GIGYF2: variants seen among roughly 807,000 people sequenced by gnomAD.
The protein encoded by GIGYF2 is GRB10 interacting GYF protein 2, also known as GRB10-interacting GYF protein 2.
In GIGYF2, 25 loss-of-function variants were observed where a neutral mutation model predicts 208.1. The ratio of observed to expected loss-of-function variants is 0.12; its 90% CI spans 0.09 to 0.17. The LOEUF (loss-of-function observed/expected upper bound fraction) is 0.17. Among genes scored for constraint, GIGYF2 ranks in the 10% least tolerant of loss-of-function variants. The pLI, the probability that GIGYF2 is intolerant of heterozygous loss-of-function variation, is 1.00. For synonymous variants in GIGYF2, 534 were observed against 543.8 expected (o/e 0.98, Z 0.25); for missense variants, 1,302 against 1,579.4 (o/e 0.82, Z 2.98).
chr2:232,768,431 T>A, intron 8 of GIGYF2: 2 of 1,614,224 alleles, frequency 1.2e-6, no homozygotes, highest in Non-Finnish European at 1.7e-6. Flanking sequence ...TCCTTTGGCA[T>A]ATTTCTCCAG....
chr2:232,796,103 A>G lies in GIGYF2; in HGVS notation c.1521A>G (p.Leu507=), dbSNP rs1559438678. Residue 507 remains leucine (L), a synonymous_variant, in exon 14 of 29, where the codon CTA becomes CTG. Transcript: ENST00000373563. The stretch of plus-strand genomic sequence containing the variant: ...TGGCTTATCTCCAAGACAGTGCACT[A>G]GATGATGAAAGATTGGCATCAAAAC... The part of the protein sequence containing the change: ...KMVAYLQDSA[L]DDERLASKLQ... 2 of 1,609,156 alleles carry G rather than the reference A, an allele frequency of 1.2e-6. No homozygotes were observed. The highest frequency in any genetic ancestry group is 2.7e-5 in the African/African-American group (2 of 74,818).
rs187552026 is a variant in GIGYF2 at position 232,730,376 on chromosome 2, A to T, written c.-43-4779A>T. ...TCCCAGCACTTTGGGAGGCCGAGGC[A>T]GGTGGATCATTTAAGGTTGGGAGTT... is the stretch of plus-strand genomic sequence containing the variant. On this transcript the variant is annotated intron_variant, in intron 2 of 28. Transcript: ENST00000373563. Among the ~76,000 whole-genome samples the T allele has an allele frequency of 2.4e-3, 336 of 140,752 alleles. 2 individuals are homozygous for T. Among genetic ancestry groups the T allele is most frequent in the South Asian group, 9.3e-3 (41 of 4,414 alleles). 92.3% of individuals were successfully genotyped at this position (140,752 alleles called of 152,430 possible). A position where few individuals can be genotyped will look rare whatever the true frequency, so the allele number is the denominator to read the frequency against.
intron 8 of GIGYF2, among the ~76,000 whole-genome samples, chr2:232,777,500 A>G (rs573906206): frequency 6.6e-6 from 1 of 152,280 alleles, no homozygotes; most frequent in East Asian, 1.9e-4. Context: ...CTGAGAAACA[A>G]AGACTGTGAT....
intron 21 of GIGYF2, among the ~76,000 whole-genome samples, chr2:232,824,204 G>C (rs1474933367): frequency 6.6e-6 from 1 of 152,106 alleles, no homozygotes. Context: ...GGCCTCTAAG[G>C]GTTCAAGTGA....
At chr2:232,796,286 G>A (rs1700220507) in intron 14 of GIGYF2, 65 bp downstream of exon 14, 1 of 1,047,502 alleles carries the variant, frequency 9.5e-7, no homozygotes, top group African/African-American at 1.6e-5. Flanking sequence ...TCTCTAAGAA[G>A]GGATTTGTTT....
intron 8 of GIGYF2, among the ~76,000 whole-genome samples, chr2:232,783,531 G>T (rs1015119326): frequency 2.0e-5 from 3 of 152,122 alleles, no homozygotes; most frequent in African/African-American, 4.8e-5. Flanking sequence ...AAGAATACTA[G>T]TTCCAAACCA....
At chr2:232,706,400 T>G (rs1205205887) in intron 2 of GIGYF2, among the ~76,000 whole-genome samples, 2 of 152,188 alleles carry the variant, frequency 1.3e-5, no homozygotes, top group Non-Finnish European at 2.9e-5. Context: ...TCCCAGCATG[T>G]TGGGAGGTTG....
intron 3 of GIGYF2, among the ~76,000 whole-genome samples, chr2:232,740,437 T>G (rs1697929761): frequency 6.6e-6 from 1 of 152,208 alleles, no homozygotes; most frequent in South Asian, 2.1e-4. Context: ...ATCTCCTTGG[T>G]CTTAAGGAAG....
Position 232,847,504 on chromosome 2 carries a change from A to C in GIGYF2, c.3617A>C (p.Gln1206Pro). ...CAGAAAGCCAACCAGCAGCGTCAGC[A>C]GCAGCAGCTGCCACAGCAGCAGCAG... ...AKQKANQQRQQQQLPQQQQQQ... is the reference protein window; with the variant it reads ...AKQKANQQRQPQQLPQQQQQQ... The change falls in exon 27 of 29, where the codon CAG becomes CCG. Residue 1206 changes from glutamine (Q) to proline (P), a missense_variant. Around this residue, in one of 8 missense-constraint regions of GIGYF2, gnomAD observed 701 missense variants for 793.0 expected, o/e 0.88. Coordinates refer to ENST00000373563, the MANE Select transcript of GIGYF2 (RefSeq NM_001103146.3). The C allele has an allele frequency of 2.1e-6, 3 of 1,396,456 alleles. No individual in the cohort carries two copies. The highest frequency in any genetic ancestry group is 2.3e-5 in the East Asian group (1 of 43,182). The allele number at this position is 1,396,456 out of a possible 1,614,324, so 86.5% of individuals were successfully genotyped here. A position where few individuals can be genotyped will look rare whatever the true frequency, so the allele number is the denominator to read the frequency against.
intron 5 of GIGYF2, among the ~76,000 whole-genome samples, chr2:232,749,335 G>T (rs978993405): frequency 6.6e-6 from 1 of 152,180 alleles, no homozygotes; most frequent in Non-Finnish European, 1.5e-5. Context: ...TACTCAAGTA[G>T]AGAGGAAGAG....
chr2:232,829,788 T>G (rs534492658), intron 21 of GIGYF2, among the ~76,000 whole-genome samples: 2 of 152,322 alleles, frequency 1.3e-5, no homozygotes, highest in Non-Finnish European at 2.9e-5. Context: ...AGTAACACTT[T>G]GAGCCCCTTG....
At chr2:232,852,739 T>G (rs1344814590) in intron 28 of GIGYF2, among the ~76,000 whole-genome samples, 1 of 152,120 alleles carries the variant, frequency 6.6e-6, no homozygotes, top group Non-Finnish European at 1.5e-5. Context: ...ATGAAATTGG[T>G]GAATAGATTT....
intron 2 of GIGYF2, chr2:232,729,393 G>T: frequency 2.6e-6 from 1 of 387,242 alleles, no homozygotes; most frequent in Non-Finnish European, 4.3e-6. Flanking sequence ...AGAAGAATGA[G>T]CAGAACACTG....
Position 232,791,286 on chromosome 2 carries a change from A to C in GIGYF2, c.1122A>C (p.Ser374=), listed in dbSNP as rs1191527235. The change falls in exon 12 of 29, where the codon TCA becomes TCC. Residue 374 remains serine (S), a synonymous_variant. Transcript: ENST00000373563. The stretch of plus-strand genomic sequence containing the variant: ...CTAGTGAGGAAACTCCCCAGACCTC[A>C]TCATCATCTGCTAGACCAGGTACTC... The part of the protein sequence containing the change: ...VEASEETPQT[S]SSSARPGTPS... 4 of 1,614,096 alleles carry C rather than the reference A, an allele frequency of 2.5e-6. No individual in the cohort carries two copies. Among genetic ancestry groups the C allele is most frequent in the Non-Finnish European group, 2.5e-6 (3 of 1,179,942 alleles).
chr2:232,794,404 A>C (rs1700160832), intron 12 of GIGYF2, among the ~76,000 whole-genome samples: 1 of 152,190 alleles, frequency 6.6e-6, no homozygotes, highest in Non-Finnish European at 1.5e-5. Context: ...TTTAGGGTGC[A>C]TTGTTAACTT....
intron 21 of GIGYF2, among the ~76,000 whole-genome samples, chr2:232,823,165 A>C (rs919006814): frequency 1.3e-5 from 2 of 152,064 alleles, no homozygotes; most frequent in African/African-American, 2.4e-5. Context: ...CTGAGTTATT[A>C]ATAACTGAGG....
chr2:232,762,587 T>G (rs1262476336), intron 8 of GIGYF2, among the ~76,000 whole-genome samples: 1 of 152,208 alleles, frequency 6.6e-6, no homozygotes, highest in Admixed American at 6.5e-5. Context: ...GTTAAATATG[T>G]AAATACCATT....
intron 20 of GIGYF2, among the ~76,000 whole-genome samples, chr2:232,818,780 A>G (rs186935416): frequency 1.2e-4 from 19 of 152,166 alleles, no homozygotes. Flanking sequence ...CTACATCATC[A>G]TATTTGCTAG....
At chr2:232,755,249 C>T (rs1698489904) in intron 5 of GIGYF2, among the ~76,000 whole-genome samples, 1 of 152,188 alleles carries the variant, frequency 6.6e-6, no homozygotes, top group South Asian at 2.1e-4. Context: ...CGGCTCACTG[C>T]AGCCTCTGCC....
Sources: gnomAD v4.1 joint callset for allele counts (sites outside exome capture counted in the v4.1 genomes callset) on GRCh38, gnomAD v4.1.1 for gene constraint, gnomAD v4.1.1 regional missense constraint, MANE v1.5 for transcripts, NCBI Gene and HGNC (gene_info 2026-07-23, HGNC 2026-07-21) for gene names.